Variants in TRHDE observed in about 807,000 individuals in gnomAD.
TRHDE encodes the protein thyrotropin-releasing hormone-degrading ectoenzyme.
TRHDE carries 72 observed loss-of-function variants against 125.7 expected under a neutral mutation model. The ratio of observed to expected loss-of-function variants is 0.57; its 90% CI spans 0.47 to 0.70. The LOEUF is 0.70. TRHDE is among the 30% of genes least tolerant of loss of function. The probability of loss-of-function intolerance (pLI) is 0.00; values close to 1 mark genes in which losing one functional copy is unlikely to be tolerated. For missense variants in TRHDE, 1,110 were observed against 1,327.1 expected, an observed-to-expected ratio of 0.84 and a Z score of 2.54; for synonymous variants, 509 against 509.1, an observed-to-expected ratio of 1.00 and a Z score of 0.00.
chr12:72,237,345 G>A (rs1476383293), intron 2 of TRHDE, among the ~76,000 whole-genome samples: 1 of 152,072 alleles, frequency 6.6e-6, no homozygotes, highest in African/African-American at 2.4e-5. Context: ...GCTACTAGGT[G>A]GTAAAATTGC....
intron 2 of TRHDE, among the ~76,000 whole-genome samples, chr12:72,328,959 A>G (rs1467431260): frequency 6.6e-6 from 1 of 152,146 alleles, no homozygotes; most frequent in Non-Finnish European, 1.5e-5. Context: ...TATATTTTTT[A>G]TATGGTTTCA....
At chr12:72,279,685 A>G (rs1362141803) in intron 1 of TRHDE, among the ~76,000 whole-genome samples, 1 of 152,188 alleles carries the variant, frequency 6.6e-6, no homozygotes. Context: ...GTAGAATAAG[A>G]TTGGCAGTGT....
chr12:72,091,704 A>C (rs1373891911), intron 1 of TRHDE, among the ~76,000 whole-genome samples: 1 of 152,198 alleles, frequency 6.6e-6, no homozygotes, highest in African/African-American at 2.4e-5. Context: ...GTAAACGCAG[A>C]ATGTTGGCAA....
intron 5 of TRHDE, among the ~76,000 whole-genome samples, chr12:72,489,936 C>T (rs535023216): frequency 1.7e-4 from 26 of 151,768 alleles, no homozygotes; most frequent in East Asian, 9.7e-4. Flanking sequence ...TTGTTAACAA[C>T]GATATCTTGG....
chr12:72,188,058 A>G (rs1206065844), intron 2 of TRHDE, among the ~76,000 whole-genome samples: 2 of 152,256 alleles, frequency 1.3e-5, no homozygotes, highest in Non-Finnish European at 2.9e-5. Flanking sequence ...ATGTTTGATA[A>G]ACTTAATTAA....
At position 72,666,225 on chromosome 12, in the gene TRHDE, G is replaced by A. The variant is rs1336039509; in HGVS notation, c.*3030G>A. 2.0e-5 allele frequency: 3 copies of A among 151,944 alleles called. No individual in the cohort carries two copies. The highest frequency in any genetic ancestry group is 4.4e-5 in the Non-Finnish European group (3 of 67,972). 9.4% of individuals were successfully genotyped at this position (151,944 alleles called of 1,614,324 possible). A position where few individuals can be genotyped will look rare whatever the true frequency, so the allele number is the denominator to read the frequency against. ...CCCTAATATTCTGATGAGAAAACTG[G>A]GGCTCAGGTAGCAACATGAGCTATT... On this transcript the variant is annotated 3_prime_UTR_variant, in exon 19 of 19. Transcript: ENST00000261180.
chr12:72,586,700 T>A (rs576034641), intron 12 of TRHDE, among the ~76,000 whole-genome samples: 38 of 152,048 alleles, frequency 2.5e-4, no homozygotes, highest in Admixed American at 1.8e-3. Flanking sequence ...AGAGGTTTCC[T>A]GTTGCTCAGC....
intron 2 of TRHDE, among the ~76,000 whole-genome samples, chr12:72,336,068 G>C (rs938743021): frequency 6.6e-6 from 1 of 152,158 alleles, no homozygotes; most frequent in African/African-American, 2.4e-5. Context: ...TTTATGGTGA[G>C]GCTGGAGATG....
intron 2 of TRHDE, among the ~76,000 whole-genome samples, chr12:72,144,081 T>A (rs1876174033): frequency 1.3e-5 from 2 of 152,222 alleles, no homozygotes; most frequent in Non-Finnish European, 2.9e-5. Flanking sequence ...TACTAGCAAC[T>A]GTTCACCTAT....
intron 2 of TRHDE, among the ~76,000 whole-genome samples, chr12:72,332,207 C>T (rs192466739): frequency 1.2e-4 from 19 of 152,160 alleles, no homozygotes; most frequent in African/African-American, 2.7e-4. Flanking sequence ...GCCACGATCT[C>T]GGCTCACTGC....
At chr12:72,256,878 C>G (rs1878826596) in intron 2 of TRHDE, 1 of 152,184 alleles carries the variant, frequency 6.6e-6, no homozygotes, top group African/African-American at 2.4e-5. Flanking sequence ...CTGAGAATGG[C>G]TCCCCTGGAT....
At chr12:72,551,464 C>T (rs1565787268) in intron 7 of TRHDE, among the ~76,000 whole-genome samples, 1 of 152,092 alleles carries the variant, frequency 6.6e-6, no homozygotes, top group Non-Finnish European at 1.5e-5. Context: ...AACAATAACA[C>T]ATATAAGTGT....
At chr12:72,420,956 T>C (rs1003639295) in intron 3 of TRHDE, among the ~76,000 whole-genome samples, 2 of 152,124 alleles carry the variant, frequency 1.3e-5, no homozygotes, top group Middle Eastern at 3.4e-3. Flanking sequence ...TACAGACTCA[T>C]TATGGGATTG....
At chr12:72,394,218 AAC>A (rs1479565104) in intron 3 of TRHDE, among the ~76,000 whole-genome samples, 1 of 152,184 alleles carries the variant, frequency 6.6e-6, no homozygotes, top group East Asian at 1.9e-4. Flanking sequence ...TCAAATTCTA[AAC>A]ACAGAGAAAT....
chr12:72,531,563 T>G (rs1279584130), intron 6 of TRHDE, among the ~76,000 whole-genome samples: 1 of 152,130 alleles, frequency 6.6e-6, no homozygotes, highest in Non-Finnish European at 1.5e-5. Flanking sequence ...GTGCTTTTTT[T>G]CATTTTCTCC....
intron 2 of TRHDE, among the ~76,000 whole-genome samples, chr12:72,133,870 C>G (rs1324901838): frequency 1.3e-5 from 2 of 152,172 alleles, no homozygotes; most frequent in Non-Finnish European, 2.9e-5. Context: ...CAGCTTTTCC[C>G]TGGGTGGCTG....
At chr12:72,217,014 GA>G (rs1167134907) in intron 2 of TRHDE, among the ~76,000 whole-genome samples, 1 of 151,080 alleles carries the variant, frequency 6.6e-6, no homozygotes, top group Non-Finnish European at 1.5e-5. Flanking sequence ...TTGTTTATAT[GA>G]GCAATTATAG....
chr12:72,543,483 T>G (rs1869255678), intron 7 of TRHDE, among the ~76,000 whole-genome samples: 1 of 151,480 alleles, frequency 6.6e-6, no homozygotes, highest in Non-Finnish European at 1.5e-5. Flanking sequence ...ACAGCTCTAT[T>G]CTGATCACAT....
At chr12:72,341,214 A>G (rs892313257) in intron 2 of TRHDE, among the ~76,000 whole-genome samples, 1 of 151,332 alleles carries the variant, frequency 6.6e-6, no homozygotes, top group Admixed American at 6.6e-5. Context: ...TACACGTGCC[A>G]TGTTGGTTTG....
Sources: allele counts gnomAD v4.1 joint callset (sites outside exome capture counted in the v4.1 genomes callset), GRCh38; gene constraint gnomAD v4.1.1; transcripts MANE v1.5; gene names NCBI Gene and HGNC (gene_info 2026-07-23, HGNC 2026-07-21).